Variants in GRIK1 observed in about 807,000 individuals in gnomAD.
GRIK1 encodes glutamate ionotropic receptor kainate type subunit 1.
Under a neutral mutation model 105.7 loss-of-function variants are expected in GRIK1, and 69 were observed. That is an observed-to-expected ratio of 0.65 (90% CI 0.54 to 0.80). GRIK1 has a LOEUF of 0.80. GRIK1 is among the 30% of genes least tolerant of loss of function. The probability of loss-of-function intolerance (pLI) is 0.00; values close to 1 mark genes in which losing one functional copy is unlikely to be tolerated. For synonymous variants in GRIK1, 438 were observed against 431.3 expected (o/e 1.02, Z -0.19); for missense variants, 1,109 against 1,167.3 (o/e 0.95, Z 0.73).
At chr21:29,689,587 A>C in intron 3 of GRIK1, 141 bp downstream of exon 3, 3 of 724,992 alleles carry the variant, frequency 4.1e-6, no homozygotes, top group Non-Finnish European at 7.2e-6. Context: ...TGCATTATTA[A>C]ATTACTTCAG....
intron 7 of GRIK1, among the ~76,000 whole-genome samples, chr21:29,606,330 G>A (rs1314193117): frequency 1.3e-5 from 2 of 151,792 alleles, no homozygotes; most frequent in African/African-American, 2.4e-5. Context: ...AGGATATGCC[G>A]GTTTTTTACA....
At chr21:29,684,283 T>TATCTATC (rs2063440419) in intron 3 of GRIK1, among the ~76,000 whole-genome samples, 2 of 152,098 alleles carry the variant, frequency 1.3e-5, no homozygotes, top group African/African-American at 2.4e-5. Context: ...TCTATCTATC[T>TATCTATC]ATCTATCTAT....
intron 1 of GRIK1, among the ~76,000 whole-genome samples, chr21:29,889,334 T>C (rs933182187): frequency 6.6e-6 from 1 of 152,148 alleles, no homozygotes; most frequent in African/African-American, 2.4e-5. Context: ...CTTCTTTCCA[T>C]TCTCCGAGTT....
At chr21:29,850,287 T>C (rs574677577) in intron 1 of GRIK1, among the ~76,000 whole-genome samples, 53 of 152,304 alleles carry the variant, frequency 3.5e-4, no homozygotes, top group African/African-American at 1.3e-3. Flanking sequence ...GATATGAACA[T>C]AATTCAGCAG....
chr21:29,773,410 G>A (rs953839441), intron 1 of GRIK1, among the ~76,000 whole-genome samples: 1 of 152,054 alleles, frequency 6.6e-6, no homozygotes, highest in African/African-American at 2.4e-5. Context: ...TAGGTAATCG[G>A]CATCCACCTT....
At chr21:29,693,531 T>A (rs984344090) in intron 2 of GRIK1, among the ~76,000 whole-genome samples, 1 of 152,178 alleles carries the variant, frequency 6.6e-6, no homozygotes, top group African/African-American at 2.4e-5. Context: ...CATTTCCACA[T>A]GCTCAGTGGA....
intron 1 of GRIK1, among the ~76,000 whole-genome samples, chr21:29,796,525 T>A (rs944443212): frequency 4.6e-5 from 7 of 152,178 alleles, no homozygotes; most frequent in African/African-American, 1.7e-4. Context: ...AAATATTATG[T>A]AAGCTATTTT....
At chr21:29,633,413 G>A (rs2062328417) in intron 7 of GRIK1, among the ~76,000 whole-genome samples, 1 of 152,030 alleles carries the variant, frequency 6.6e-6, no homozygotes, top group African/African-American at 2.4e-5. Flanking sequence ...CAGGAGAATC[G>A]CTTGAAACTG....
At chr21:29,683,738 G>A (rs553076600) in intron 3 of GRIK1, among the ~76,000 whole-genome samples, 28 of 152,156 alleles carry the variant, frequency 1.8e-4, no homozygotes, top group Non-Finnish European at 2.8e-4. Flanking sequence ...CCCATGCAAC[G>A]ACCTTCATAT....
intron 1 of GRIK1, among the ~76,000 whole-genome samples, chr21:29,920,103 G>A (rs577422263): frequency 1.9e-4 from 29 of 152,206 alleles, no homozygotes; most frequent in Non-Finnish European, 4.1e-4. Context: ...CCCAGAAATT[G>A]CCTACTCTGC....
chr21:29,920,256 G>T (rs941876042), intron 1 of GRIK1, among the ~76,000 whole-genome samples: 1 of 151,914 alleles, frequency 6.6e-6, no homozygotes, highest in African/African-American at 2.4e-5. Flanking sequence ...TTTAACTTGA[G>T]GAATAGTTTC....
At chr21:29,721,709 C>A (rs1430393749) in intron 1 of GRIK1, among the ~76,000 whole-genome samples, 2 of 152,106 alleles carry the variant, frequency 1.3e-5, no homozygotes, top group Non-Finnish European at 2.9e-5. Context: ...AGCAGGGTGT[C>A]CCAGGATTAA....
At chr21:29,695,747 A>G (rs959565135) in intron 1 of GRIK1, among the ~76,000 whole-genome samples, 1 of 152,150 alleles carries the variant, frequency 6.6e-6, no homozygotes. Context: ...TGATGGGATT[A>G]CAGGCATGAG....
At chr21:29,670,690 G>A (rs1419629290) in intron 4 of GRIK1, among the ~76,000 whole-genome samples, 2 of 152,150 alleles carry the variant, frequency 1.3e-5, no homozygotes, top group Non-Finnish European at 2.9e-5. Context: ...CAGGCCCCTG[G>A]GAAGGGATGC....
chr21:29,809,103 A>G (rs456245), intron 1 of GRIK1, among the ~76,000 whole-genome samples: 24,961 of 152,110 alleles, frequency 0.16, 2,029 homozygotes, highest in Non-Finnish European at 0.17. Context: ...TTACAGAAGC[A>G]TCATGAAAAG....
intron 1 of GRIK1, among the ~76,000 whole-genome samples, chr21:29,721,260 C>T (rs2064313983): frequency 1.3e-5 from 2 of 152,062 alleles, no homozygotes; most frequent in Non-Finnish European, 2.9e-5. Context: ...TTATTGAACC[C>T]TCCGAGGATA....
intron 1 of GRIK1, among the ~76,000 whole-genome samples, chr21:29,908,486 G>A (rs1414475758): frequency 1.3e-5 from 2 of 152,038 alleles, no homozygotes; most frequent in African/African-American, 4.8e-5. Flanking sequence ...GAACAGCAGA[G>A]CGTACCTTCA....
At chr21:29,584,326 C>T (rs2091085230) in intron 12 of GRIK1, among the ~76,000 whole-genome samples, 1 of 151,752 alleles carries the variant, frequency 6.6e-6, no homozygotes, top group South Asian at 2.1e-4. Flanking sequence ...TTGCCAAATG[C>T]CAACTTTAAA....
chr21:29,892,840 T>C (rs2069953424), intron 1 of GRIK1, among the ~76,000 whole-genome samples: 1 of 152,220 alleles, frequency 6.6e-6, no homozygotes, highest in African/African-American at 2.4e-5. Flanking sequence ...GTATTTTTTG[T>C]TTTGTTTTGT....
Sources: gnomAD v4.1 joint callset for allele counts (sites outside exome capture counted in the v4.1 genomes callset) on GRCh38, gnomAD v4.1.1 for gene constraint, MANE v1.5 for transcripts, NCBI Gene and HGNC (gene_info 2026-07-23, HGNC 2026-07-21) for gene names.